TBC1D5: variants seen among roughly 807,000 people sequenced by gnomAD.
TBC1D5 encodes TBC1 domain family member 5, also known as TBC1 domain family, member 5.
In TBC1D5, 75 loss-of-function variants were observed where a neutral mutation model predicts 100.3. The observed-to-expected ratio is 0.75, with a 90% CI of 0.62 to 0.91. The LOEUF (loss-of-function observed/expected upper bound fraction) is 0.91, where lower values mean the gene tolerates loss of function less well. Among genes scored for constraint, TBC1D5 ranks in the 40% least tolerant of loss-of-function variants. The probability of loss-of-function intolerance (pLI) is 0.00; values close to 1 mark genes in which losing one functional copy is unlikely to be tolerated. For synonymous variants in TBC1D5, 323 were observed against 325.6 expected, an observed-to-expected ratio of 0.99 and a Z score of 0.09; for missense variants, 910 against 942.4, an observed-to-expected ratio of 0.97 and a Z score of 0.45.
chr3:17,569,129 A>G (rs2096610996), intron 2 of TBC1D5, among the ~76,000 whole-genome samples: 1 of 151,848 alleles, frequency 6.6e-6, no homozygotes, highest in African/African-American at 2.4e-5. Context: ...ATTTATTTTC[A>G]TGTTATCCTA....
intron 1 of TBC1D5, among the ~76,000 whole-genome samples, chr3:17,733,570 T>C (rs1012856502): frequency 1.3e-5 from 2 of 152,136 alleles, no homozygotes; most frequent in African/African-American, 4.8e-5. Flanking sequence ...GACATAAAAG[T>C]AGAATCACAA....
rs183464360 is a variant in TBC1D5 at position 17,702,029 on chromosome 3, G to C, written c.-101+37314C>G. ...AACTGTGTTTAGTTTATTAAATTAG[G>C]GTGAATTTTTAATGTGCAACTTTAT... is the stretch of plus-strand genomic sequence containing the variant. On this transcript the variant is annotated intron_variant, in intron 1 of 21. Transcript: ENST00000253692. Among the ~76,000 whole-genome samples, 120 of 151,726 alleles carry C rather than the reference G, an allele frequency of 7.9e-4. 2 individuals carry two copies. In the East Asian group the frequency reaches 0.012, roughly 15 times the overall value.
intron 1 of TBC1D5, chr3:17,672,555 C>A (rs1338338862): frequency 6.6e-6 from 1 of 152,094 alleles, no homozygotes; most frequent in African/African-American, 2.4e-5. Context: ...TTTTTAAAGG[C>A]ATCTTTTTCA....
Position 17,698,903 on chromosome 3 carries a change from G to C in TBC1D5, c.-101+40440C>G, listed in dbSNP as rs1577580525. The stretch of plus-strand genomic sequence containing the variant: ...AAAAGTCAGGAAACAACAGGTGCTG[G>C]AGAGGATGTGGAGAAATAGGAACAC... On this transcript the variant is annotated intron_variant, in intron 1 of 21. Coordinates refer to ENST00000253692, the Ensembl canonical transcript of TBC1D5. 6.6e-5 allele frequency among the ~76,000 whole-genome samples: 9 copies of C among 135,936 alleles called. No homozygotes were observed. In the South Asian group the frequency reaches 2.4e-3, roughly 36 times the overall value. 89.2% of individuals were successfully genotyped at this position (135,936 alleles called of 152,430 possible). A position where few individuals can be genotyped will look rare whatever the true frequency, so the allele number is the denominator to read the frequency against.
At chr3:17,372,358 T>C in intron 12 of TBC1D5, 111 bp from the exon 13 acceptor site, 2 of 962,360 alleles carry the variant, frequency 2.1e-6, no homozygotes, top group Non-Finnish European at 2.9e-6. Flanking sequence ...ATCTGCCTAC[T>C]ACTCATTCTT....
At chr3:17,446,742 C>A (rs192972821) in intron 3 of TBC1D5, among the ~76,000 whole-genome samples, 1 of 152,262 alleles carries the variant, frequency 6.6e-6, no homozygotes, top group East Asian at 1.9e-4. Flanking sequence ...GAGGCCGAGG[C>A]GGGTGGATCA....
chr3:17,712,286 G>A (rs569472149), intron 1 of TBC1D5, among the ~76,000 whole-genome samples: 18 of 152,074 alleles, frequency 1.2e-4, no homozygotes, highest in African/African-American at 4.3e-4. Context: ...GTCTCCCACA[G>A]AACTGATGAA....
intron 4 of TBC1D5, among the ~76,000 whole-genome samples, chr3:17,416,095 G>A (rs545615764): frequency 5.8e-4 from 88 of 152,308 alleles, no homozygotes; most frequent in African/African-American, 2.1e-3. Flanking sequence ...TTTTCCAATA[G>A]TGTGTTGACT....
At chr3:17,259,579 C>T (rs980306630) in intron 15 of TBC1D5, among the ~76,000 whole-genome samples, 2 of 152,090 alleles carry the variant, frequency 1.3e-5, no homozygotes, top group African/African-American at 2.4e-5. Flanking sequence ...TGAACCAAGG[C>T]ATGCACTTCC....
At chr3:17,253,064 T>TATTAGTTCAAA (rs2077308569) in intron 16 of TBC1D5, among the ~76,000 whole-genome samples, 1 of 152,218 alleles carries the variant, frequency 6.6e-6, no homozygotes, top group South Asian at 2.1e-4. Flanking sequence ...ATTGAATAAA[T>TATTAGTTCAAA]ACATACTGTT....
At chr3:17,651,000 T>C (rs929291364) in intron 1 of TBC1D5, among the ~76,000 whole-genome samples, 4 of 152,168 alleles carry the variant, frequency 2.6e-5, no homozygotes, top group African/African-American at 9.7e-5. Context: ...TCACTAGCAA[T>C]TAAAAATATG....
chr3:17,332,484 T>C (rs927661229), intron 13 of TBC1D5, among the ~76,000 whole-genome samples: 5 of 152,110 alleles, frequency 3.3e-5, no homozygotes, highest in African/African-American at 9.7e-5. Flanking sequence ...GGTAGAGATA[T>C]ACCTTTGAGA....
intron 1 of TBC1D5, among the ~76,000 whole-genome samples, chr3:17,637,594 A>G (rs2064084762): frequency 6.6e-6 from 1 of 152,102 alleles, no homozygotes. Flanking sequence ...TCATCACCTC[A>G]GTAGAAAAAA....
chr3:17,256,574 A>G (rs1373353773), intron 16 of TBC1D5, among the ~76,000 whole-genome samples: 1 of 151,926 alleles, frequency 6.6e-6, no homozygotes, highest in African/African-American at 2.4e-5. Context: ...TAATGGGTAC[A>G]ATACATTTCC....
intron 1 of TBC1D5, among the ~76,000 whole-genome samples, chr3:17,712,927 A>G (rs1272902216): frequency 6.6e-6 from 1 of 152,152 alleles, no homozygotes; most frequent in Admixed American, 6.5e-5. Flanking sequence ...CAGTGTCAAA[A>G]GCCATTTATG....
At chr3:17,693,542 C>A (rs2071504903) in intron 1 of TBC1D5, among the ~76,000 whole-genome samples, 2 of 152,226 alleles carry the variant, frequency 1.3e-5, no homozygotes, top group African/African-American at 4.8e-5. Context: ...GGGCGTCCCC[C>A]ATCGCTGAGG....
At chr3:17,631,114 T>C (rs1232568037) in intron 1 of TBC1D5, among the ~76,000 whole-genome samples, 1 of 151,288 alleles carries the variant, frequency 6.6e-6, no homozygotes, top group Non-Finnish European at 1.5e-5. Context: ...GGAAAAGTTC[T>C]AAAGAAAATT....
At chr3:17,592,606 C>T (rs1223940712) in intron 2 of TBC1D5, among the ~76,000 whole-genome samples, 4 of 152,182 alleles carry the variant, frequency 2.6e-5, no homozygotes, top group Non-Finnish European at 5.9e-5. Flanking sequence ...GTCAAGTGAC[C>T]TGAAAGGCTG....
At chr3:17,643,117 C>T (rs1014272806) in intron 1 of TBC1D5, among the ~76,000 whole-genome samples, 1 of 152,014 alleles carries the variant, frequency 6.6e-6, no homozygotes, top group Non-Finnish European at 1.5e-5. Flanking sequence ...TTAGCCTCCC[C>T]CAATCTGTGG....
Sources: gnomAD v4.1 joint callset for allele counts (sites outside exome capture counted in the v4.1 genomes callset) on GRCh38, gnomAD v4.1.1 for gene constraint, MANE v1.5 for transcripts, NCBI Gene and HGNC (gene_info 2026-07-23, HGNC 2026-07-21) for gene names.